FSTL4: variants seen among roughly 807,000 people sequenced by gnomAD.
The protein encoded by FSTL4 is follistatin-related protein 4.
A neutral mutation model predicts 78.2 loss-of-function variants in FSTL4; 28 were observed. That is an observed-to-expected ratio of 0.36 (90% CI 0.27 to 0.49). The LOEUF (loss-of-function observed/expected upper bound fraction) is 0.49. FSTL4 is among the 20% of genes least tolerant of loss of function. The pLI is 0.98. For synonymous variants in FSTL4, 422 were observed against 440.5 expected, an observed-to-expected ratio of 0.96 and a Z score of 0.53; for missense variants, 922 against 1,084.9, an observed-to-expected ratio of 0.85 and a Z score of 2.11.
intron 2 of FSTL4, among the ~76,000 whole-genome samples, chr5:133,600,675 G>A (rs1028687786): frequency 1.3e-5 from 2 of 152,156 alleles, no homozygotes; most frequent in African/African-American, 2.4e-5. Flanking sequence ...TTAAAAATAT[G>A]TGCACACACA....
At chr5:133,387,513 G>C (rs1290438974) in intron 4 of FSTL4, among the ~76,000 whole-genome samples, 2 of 152,066 alleles carry the variant, frequency 1.3e-5, no homozygotes, top group African/African-American at 4.8e-5. Context: ...TTATTGCCTT[G>C]GGGGTTGAAC....
At position 133,258,445 on chromosome 5, in the gene FSTL4, C is replaced by A. The variant is rs535854603; in HGVS notation, c.728-8869G>T. ...AAAATGAGCCTGGGTAAGAGGGAAACCCTCCTGTCTCACTGCTGAGCTGTG... is the reference window on the plus strand; with the variant it reads ...AAAATGAGCCTGGGTAAGAGGGAAAACCTCCTGTCTCACTGCTGAGCTGTG... On this transcript the variant is annotated intron_variant, in intron 6 of 15. Coordinates refer to ENST00000265342, the MANE Select transcript of FSTL4 (RefSeq NM_015082.2). 3.3e-5 allele frequency among the ~76,000 whole-genome samples: 5 copies of A among 152,306 alleles called. No individual in the cohort carries two copies. The East Asian group carries it at 9.6e-4, about 29-fold the overall frequency.
chr5:133,744,446 C>T, the FSTL4 span, among the ~76,000 whole-genome samples: 653 of 152,224 alleles, frequency 4.3e-3, 4 homozygotes, highest in Non-Finnish European at 7.3e-3. Context: ...CCCGCTGTGC[C>T]GCATGGTGCT....
At chr5:133,241,854 G>C (rs558682605) in intron 7 of FSTL4, among the ~76,000 whole-genome samples, 115 of 152,252 alleles carry the variant, frequency 7.6e-4, no homozygotes, top group African/African-American at 2.7e-3. Flanking sequence ...CTCTAACTTG[G>C]ACCACACTCA....
At chr5:133,496,664 T>C (rs1157668235) in intron 3 of FSTL4, among the ~76,000 whole-genome samples, 1 of 152,164 alleles carries the variant, frequency 6.6e-6, no homozygotes. Flanking sequence ...CCATAGGAAA[T>C]GCGGACACGA....
chr5:133,514,687 C>T (rs185546612), intron 3 of FSTL4, among the ~76,000 whole-genome samples: 1 of 152,348 alleles, frequency 6.6e-6, no homozygotes, highest in Admixed American at 6.5e-5. Context: ...CGATACTACA[C>T]TTACCCAAAT....
the FSTL4 span, among the ~76,000 whole-genome samples, chr5:133,710,876 G>A: frequency 2.6e-5 from 4 of 152,312 alleles, no homozygotes; most frequent in African/African-American, 4.8e-5. Flanking sequence ...TACCATCACC[G>A]TGCCACCTTT....
chr5:133,428,223 C>T (rs1756867092), intron 3 of FSTL4, among the ~76,000 whole-genome samples: 1 of 152,150 alleles, frequency 6.6e-6, no homozygotes, highest in African/African-American at 2.4e-5. Context: ...ACTGGCAGGA[C>T]TCTTGATCTA....
chr5:133,207,198 T>G (rs1329817908), intron 14 of FSTL4, among the ~76,000 whole-genome samples: 2 of 152,254 alleles, frequency 1.3e-5, no homozygotes, highest in Non-Finnish European at 2.9e-5. Context: ...TGTCATCTTG[T>G]CTCTTCGTAT....
At chr5:133,516,039 T>C (rs1402076132) in intron 3 of FSTL4, among the ~76,000 whole-genome samples, 2 of 150,064 alleles carry the variant, frequency 1.3e-5, no homozygotes, top group African/African-American at 5.0e-5. Flanking sequence ...CTAGCGCTAT[T>C]TTTTTTTTGA....
intron 8 of FSTL4, among the ~76,000 whole-genome samples, chr5:133,230,122 G>A (rs867506575): frequency 1.1e-4 from 16 of 152,264 alleles, no homozygotes; most frequent in Admixed American, 2.0e-4. Flanking sequence ...GTGGTACACC[G>A]GCCCCTCAGT....
intron 7 of FSTL4, among the ~76,000 whole-genome samples, chr5:133,242,164 C>T (rs566789484): frequency 6.6e-6 from 1 of 152,206 alleles, no homozygotes. Context: ...GTCTTGTTTG[C>T]TGTAGACAAA....
the FSTL4 span, among the ~76,000 whole-genome samples, chr5:133,677,442 C>T: frequency 6.6e-4 from 100 of 152,328 alleles, no homozygotes; most frequent in Admixed American, 2.7e-3. Context: ...GTCTCTACTG[C>T]ACTTTGCCTC....
intron 4 of FSTL4, among the ~76,000 whole-genome samples, chr5:133,322,277 CCACA>C (rs1222286826): frequency 9.4e-5 from 4 of 42,566 alleles, no homozygotes; most frequent in South Asian, 9.8e-4. Context: ...ACCCACACAC[CCACA>C]CACACACACA....
chr5:133,583,183 T>C, intron 2 of FSTL4: 1 of 448,362 alleles, frequency 2.2e-6, no homozygotes, highest in Non-Finnish European at 4.5e-6. Context: ...CCACTGGGTT[T>C]CCTGACCCTC....
the FSTL4 span, among the ~76,000 whole-genome samples, chr5:133,657,551 T>G: frequency 6.6e-6 from 1 of 152,212 alleles, no homozygotes; most frequent in Non-Finnish European, 1.5e-5. Context: ...TTCTCCTAGT[T>G]CCCTGTTTCC....
At chr5:133,751,020 C>A in the FSTL4 span, among the ~76,000 whole-genome samples, 1 of 152,104 alleles carries the variant, frequency 6.6e-6, no homozygotes, top group Non-Finnish European at 1.5e-5. Context: ...CCTGTCCCCC[C>A]AGCTTGACTC....
At chr5:133,513,030 AGGCTGGTCGTGAACTCCT>A (rs1207608280) in intron 3 of FSTL4, among the ~76,000 whole-genome samples, 2 of 152,150 alleles carry the variant, frequency 1.3e-5, no homozygotes, top group African/African-American at 4.8e-5. Flanking sequence ...CATGTTGGCC[AGGCTGGTCGTGAACTCCT>A]GACCTCAAAT....
chr5:133,525,294 G>C (rs1759070337), intron 3 of FSTL4, among the ~76,000 whole-genome samples: 1 of 152,216 alleles, frequency 6.6e-6, no homozygotes, highest in Admixed American at 6.5e-5. Flanking sequence ...GTTTCCCCCT[G>C]CACTGCCCAA....
Sources: gnomAD v4.1 joint callset for allele counts (sites outside exome capture counted in the v4.1 genomes callset) on GRCh38, gnomAD v4.1.1 for gene constraint, MANE v1.5 for transcripts, NCBI Gene and HGNC (gene_info 2026-07-23, HGNC 2026-07-21) for gene names.